MCF2L2: variants seen among roughly 807,000 people sequenced by gnomAD.
MCF2L2 encodes MCF.2 cell line derived transforming sequence-like 2.
A neutral mutation model predicts 150.2 loss-of-function variants in MCF2L2; 102 were observed. That is an observed-to-expected ratio of 0.68 (90% CI 0.58 to 0.80). The LOEUF is 0.80. MCF2L2 is among the 30% of genes least tolerant of loss of function. MCF2L2 has a pLI of 0.00. For synonymous variants in MCF2L2, 465 were observed against 491.3 expected (o/e 0.95, Z 0.71); for missense variants, 1,256 against 1,372.8 (o/e 0.91, Z 1.34).
intron 13 of MCF2L2, among the ~76,000 whole-genome samples, chr3:183,294,829 C>T (rs967620448): frequency 5.3e-5 from 8 of 151,942 alleles, no homozygotes; most frequent in Non-Finnish European, 8.8e-5. Flanking sequence ...GGGGTTTCAC[C>T]GTGTTAGCCA....
intron 15 of MCF2L2, among the ~76,000 whole-genome samples, chr3:183,252,233 A>C (rs2108385868): frequency 6.6e-6 from 1 of 152,236 alleles, no homozygotes; most frequent in South Asian, 2.1e-4. Context: ...GATTTCAGTC[A>C]GCATTTTATT....
chr3:183,215,264 T>C (rs1576928706), intron 22 of MCF2L2, among the ~76,000 whole-genome samples: 1 of 152,190 alleles, frequency 6.6e-6, no homozygotes, highest in African/African-American at 2.4e-5. Context: ...TGGTAATTTA[T>C]TATGACAGTG....
chr3:183,316,778 T>C lies in MCF2L2; in HGVS notation c.753+1290A>G, dbSNP rs192787595. Among the ~76,000 whole-genome samples the C allele has an allele frequency of 4.3e-4, 66 of 152,232 alleles. No individual in the cohort carries two copies. In the East Asian group the frequency reaches 0.012, roughly 28 times the overall value. On this transcript the variant is annotated intron_variant, in intron 7 of 29. Coordinates refer to ENST00000328913, the MANE Select transcript of MCF2L2 (RefSeq NM_015078.4). ...CAGAGTGCAGTGGCGAGATCTCGGC[T>C]CACTGCAACCTCTGCCTCCCAGCTT...
chr3:183,410,825 T>C (rs1159960035), intron 1 of MCF2L2, among the ~76,000 whole-genome samples: 1 of 152,176 alleles, frequency 6.6e-6, no homozygotes, highest in African/African-American at 2.4e-5. Flanking sequence ...CATCCCAAGA[T>C]CCAGCCACTC....
rs1445982137 is a variant in MCF2L2 at position 183,331,419 on chromosome 3, C to T, written c.486+7381G>A. Among the ~76,000 whole-genome samples the T allele has an allele frequency of 6.6e-5, 10 of 152,160 alleles. No individual in the cohort carries two copies. The South Asian group carries it at 1.7e-3, about 25-fold the overall frequency. On this transcript the variant is annotated intron_variant, in intron 5 of 29. Transcript: ENST00000328913. ...TCTTCCTGTGGCCCCACCAACTTTA[C>T]CATACGTGCATATTCTTGTAACAAT...
chr3:183,370,031 G>A (rs1468999439), intron 3 of MCF2L2, among the ~76,000 whole-genome samples: 1 of 152,150 alleles, frequency 6.6e-6, no homozygotes, highest in Non-Finnish European at 1.5e-5. Flanking sequence ...TATGGTATGT[G>A]GCTATCATCT....
At chr3:183,304,230 C>T (rs1032084882) in intron 10 of MCF2L2, among the ~76,000 whole-genome samples, 12 of 152,222 alleles carry the variant, frequency 7.9e-5, no homozygotes, top group African/African-American at 2.9e-4. Context: ...GGTCCAGAAC[C>T]AGCTCTTATT....
intron 3 of MCF2L2, among the ~76,000 whole-genome samples, chr3:183,369,659 C>A (rs1437475305): frequency 6.6e-6 from 1 of 152,158 alleles, no homozygotes; most frequent in Non-Finnish European, 1.5e-5. Context: ...CAGCTTCTGG[C>A]AGGAGGCTAT....
chr3:183,384,549 AACTG>A (rs540790055), intron 2 of MCF2L2, among the ~76,000 whole-genome samples: 59 of 151,902 alleles, frequency 3.9e-4, no homozygotes, highest in African/African-American at 1.3e-3. Flanking sequence ...CCCGCCCAGG[AACTG>A]ACTAAGCACA....
intron 1 of MCF2L2, among the ~76,000 whole-genome samples, chr3:183,409,551 C>CTTTTT (rs11336262): frequency 4.1e-5 from 5 of 121,744 alleles, no homozygotes; most frequent in East Asian, 2.4e-4. Context: ...GCTAAAATTT[C>CTTTTT]TTTTTTTTTT....
rs368504406 is a variant in MCF2L2 at position 183,312,479 on chromosome 3, C to G, written c.754-707G>C. On this transcript the variant is annotated intron_variant, in intron 7 of 29. Transcript: ENST00000328913. ...GCCTTACCCATAAAGAAAGTCCAGA[C>G]TGCAAAACAAAAGTGGCAGAGCCTG... is the stretch of plus-strand genomic sequence containing the variant. Among the ~76,000 whole-genome samples, 62 of 152,324 alleles carry G rather than the reference C, an allele frequency of 4.1e-4. No homozygotes were observed. In the South Asian group the frequency reaches 0.013, roughly 31 times the overall value.
At chr3:183,351,429 T>G (rs1711502999) in intron 3 of MCF2L2, among the ~76,000 whole-genome samples, 1 of 151,576 alleles carries the variant, frequency 6.6e-6, no homozygotes. Flanking sequence ...CAATTGAAAT[T>G]TTATTGCATT....
chr3:183,245,944 C>A (rs1724232990), intron 15 of MCF2L2, among the ~76,000 whole-genome samples: 1 of 152,128 alleles, frequency 6.6e-6, no homozygotes. Context: ...GTTCTCATTA[C>A]CCTGATGATT....
chr3:183,406,538 G>C (rs778468402), intron 1 of MCF2L2, among the ~76,000 whole-genome samples: 2 of 152,090 alleles, frequency 1.3e-5, no homozygotes, highest in Non-Finnish European at 2.9e-5. Flanking sequence ...GTCCAGGCTG[G>C]AGTGCAGTAG....
intron 13 of MCF2L2, among the ~76,000 whole-genome samples, chr3:183,292,607 G>A (rs961658302): frequency 6.6e-6 from 1 of 150,786 alleles, no homozygotes; most frequent in Non-Finnish European, 1.5e-5. Flanking sequence ...ACACACGTAT[G>A]TATTTCTCTT....
chr3:183,399,537 G>A (rs1560057920), intron 1 of MCF2L2, among the ~76,000 whole-genome samples: 1 of 152,170 alleles, frequency 6.6e-6, no homozygotes, highest in Non-Finnish European at 1.5e-5. Flanking sequence ...CTGTCCTGCT[G>A]GCTTCCAAGT....
intron 3 of MCF2L2, chr3:183,372,039 T>C (rs1228088816): frequency 6.6e-6 from 1 of 151,628 alleles, no homozygotes; most frequent in Non-Finnish European, 1.5e-5. Context: ...TTTATCTTTG[T>C]AGCTATCTTC....
intron 10 of MCF2L2, among the ~76,000 whole-genome samples, chr3:183,306,237 T>C (rs1321359544): frequency 6.6e-6 from 1 of 152,238 alleles, no homozygotes; most frequent in Non-Finnish European, 1.5e-5. Flanking sequence ...TCCTGGTGCC[T>C]GCAAAGAAAT....
chr3:183,353,349 T>C (rs1297302224), intron 3 of MCF2L2, among the ~76,000 whole-genome samples: 1 of 152,152 alleles, frequency 6.6e-6, no homozygotes, highest in Non-Finnish European at 1.5e-5. Flanking sequence ...GGAATCCCCT[T>C]CCACATCCCT....
Sources: allele counts gnomAD v4.1 joint callset (sites outside exome capture counted in the v4.1 genomes callset), GRCh38; gene constraint gnomAD v4.1.1; transcripts MANE v1.5; gene names NCBI Gene and HGNC (gene_info 2026-07-23, HGNC 2026-07-21).